Variants in POU2F1 observed in about 807,000 individuals in gnomAD.
The protein encoded by POU2F1 is POU class 2 homeobox 1, also known as POU domain, class 2, transcription factor 1.
POU2F1 carries 16 observed loss-of-function variants against 84.9 expected under a neutral mutation model. The observed-to-expected ratio is 0.19, with a 90% CI of 0.13 to 0.29. POU2F1 has a LOEUF of 0.29. POU2F1 is among the 10% of genes least tolerant of loss of function. The pLI, the probability that POU2F1 is intolerant of heterozygous loss-of-function variation, is 1.00. For missense variants in POU2F1, 738 were observed against 942.6 expected, an observed-to-expected ratio of 0.78 and a Z score of 2.84; for synonymous variants, 368 against 368.3, an observed-to-expected ratio of 1.00 and a Z score of 0.01.
At chr1:167,356,640 T>C (rs2101803072) in intron 2 of POU2F1, among the ~76,000 whole-genome samples, 1 of 152,280 alleles carries the variant, frequency 6.6e-6, no homozygotes, top group Non-Finnish European at 1.5e-5. Context: ...AGAATTCGAC[T>C]GAGGGGCATA....
intron 1 of POU2F1, among the ~76,000 whole-genome samples, chr1:167,295,486 C>T (rs182747197): frequency 3.3e-5 from 5 of 152,222 alleles, no homozygotes; most frequent in Admixed American, 1.3e-4. Flanking sequence ...TATGAATATG[C>T]AAGTGCATAC....
chr1:167,304,581 C>T (rs1654930013), intron 1 of POU2F1, among the ~76,000 whole-genome samples: 1 of 152,266 alleles, frequency 6.6e-6, no homozygotes, highest in East Asian at 1.9e-4. Context: ...AAAATCTCAG[C>T]ATTTTAGAGA....
intron 1 of POU2F1, among the ~76,000 whole-genome samples, chr1:167,240,149 G>A (rs1649793933): frequency 6.6e-6 from 1 of 152,092 alleles, no homozygotes; most frequent in South Asian, 2.1e-4. Context: ...AACATAGAGG[G>A]ATAATTTTTC....
At chr1:167,379,944 G>A (rs935373871) in intron 7 of POU2F1, 1 of 152,194 alleles carries the variant, frequency 6.6e-6, no homozygotes, top group Admixed American at 6.5e-5. Context: ...ACTTTTATAA[G>A]ATTGGGAAAA....
intron 2 of POU2F1, among the ~76,000 whole-genome samples, chr1:167,352,548 G>A (rs1172126651): frequency 1.3e-5 from 2 of 152,198 alleles, no homozygotes; most frequent in East Asian, 1.9e-4. Flanking sequence ...TAGACAAATC[G>A]GTGGAAGGCT....
intron 1 of POU2F1, among the ~76,000 whole-genome samples, chr1:167,321,634 G>A (rs1656318113): frequency 6.6e-6 from 1 of 152,060 alleles, no homozygotes; most frequent in South Asian, 2.1e-4. Context: ...TCTTTACTTA[G>A]CAGCCATTGT....
At chr1:167,366,387 A>G (rs889833998) in intron 3 of POU2F1, among the ~76,000 whole-genome samples, 1 of 152,232 alleles carries the variant, frequency 6.6e-6, no homozygotes, top group Non-Finnish European at 1.5e-5. Flanking sequence ...TGAAAAACCC[A>G]TATGTACATA....
At chr1:167,245,465 G>A (rs1650244603) in intron 1 of POU2F1, among the ~76,000 whole-genome samples, 1 of 149,918 alleles carries the variant, frequency 6.7e-6, no homozygotes, top group Non-Finnish European at 1.5e-5. Context: ...CCAGGCTGGA[G>A]TGCAATGGTG....
chr1:167,265,861 T>C (rs1048802603), intron 1 of POU2F1, among the ~76,000 whole-genome samples: 11 of 152,224 alleles, frequency 7.2e-5, no homozygotes, highest in Admixed American at 3.3e-4. Flanking sequence ...TGGTCCAAAA[T>C]GTCAGTAGTA....
At chr1:167,310,318 T>C (rs757744826) in intron 1 of POU2F1, among the ~76,000 whole-genome samples, 1 of 151,944 alleles carries the variant, frequency 6.6e-6, no homozygotes, top group Non-Finnish European at 1.5e-5. Context: ...AAAGGCCAAA[T>C]ATATCAGTAA....
chr1:167,397,184 C>T (rs1648869609), intron 10 of POU2F1, among the ~76,000 whole-genome samples: 2 of 152,018 alleles, frequency 1.3e-5, no homozygotes, highest in Non-Finnish European at 2.9e-5. Flanking sequence ...TATGACATGC[C>T]CAAGGTTATT....
At chr1:167,372,231 A>G (rs1264205780) in intron 5 of POU2F1, among the ~76,000 whole-genome samples, 195 bp downstream of exon 5, 1 of 152,206 alleles carries the variant, frequency 6.6e-6, no homozygotes, top group Non-Finnish European at 1.5e-5. Flanking sequence ...GTAAGTTTTC[A>G]GGATATCTTT....
At chr1:167,345,736 T>C (rs980977195) in intron 2 of POU2F1, among the ~76,000 whole-genome samples, 32 of 152,244 alleles carry the variant, frequency 2.1e-4, no homozygotes, top group Non-Finnish European at 1.8e-4. Context: ...GATTTTAGGA[T>C]ATTAAAATAA....
At chr1:167,247,615 T>A (rs186996972) in intron 1 of POU2F1, among the ~76,000 whole-genome samples, 93 of 152,290 alleles carry the variant, frequency 6.1e-4, no homozygotes, top group African/African-American at 1.7e-3. Flanking sequence ...AGTTTTTTTT[T>A]AAAATTCTGT....
At chr1:167,276,958 T>A (rs763812531) in intron 1 of POU2F1, among the ~76,000 whole-genome samples, 3 of 152,150 alleles carry the variant, frequency 2.0e-5, no homozygotes, top group East Asian at 1.9e-4. Context: ...GTGAGTAGAA[T>A]GTGCTCTTGT....
At chr1:167,282,386 C>T (rs181092548) in intron 1 of POU2F1, among the ~76,000 whole-genome samples, 6 of 152,238 alleles carry the variant, frequency 3.9e-5, no homozygotes, top group South Asian at 2.1e-4. Flanking sequence ...CCTCGTAATC[C>T]GCCCGCCTCG....
At chr1:167,224,113 AGGAT>A (rs1648444040) in intron 1 of POU2F1, among the ~76,000 whole-genome samples, 1 of 152,236 alleles carries the variant, frequency 6.6e-6, no homozygotes, top group Admixed American at 6.5e-5. Flanking sequence ...AATACAGAAA[AGGAT>A]GGATGTTGTT....
intron 14 of POU2F1, among the ~76,000 whole-genome samples, 196 bp from the exon 15 acceptor site, chr1:167,412,830 C>T (rs1281299392): frequency 6.6e-6 from 1 of 152,158 alleles, no homozygotes; most frequent in Non-Finnish European, 1.5e-5. Flanking sequence ...TTGTGCTGAT[C>T]ATAACCTCGT....
At chr1:167,356,958 C>G (rs1191676077) in intron 2 of POU2F1, among the ~76,000 whole-genome samples, 1 of 152,104 alleles carries the variant, frequency 6.6e-6, no homozygotes, top group African/African-American at 2.4e-5. Flanking sequence ...TGGTGTGCCC[C>G]CAGAAGGTCA....
Sources: gnomAD v4.1 joint callset for allele counts (sites outside exome capture counted in the v4.1 genomes callset) on GRCh38, gnomAD v4.1.1 for gene constraint, MANE v1.5 for transcripts, NCBI Gene and HGNC (gene_info 2026-07-23, HGNC 2026-07-21) for gene names.